The following ALMS1 variants were observed in gnomAD, a reference collection of about 807,000 sequenced individuals.
The protein encoded by ALMS1 is centrosome-associated protein ALMS1.
A neutral mutation model predicts 352.2 loss-of-function variants in ALMS1; 271 were observed. The observed-to-expected ratio is 0.77, with a 90% confidence interval of 0.70 to 0.85. The LOEUF (loss-of-function observed/expected upper bound fraction) is 0.85. Among genes scored for constraint, ALMS1 ranks in the 40% least tolerant of loss-of-function variants. ALMS1 has a pLI of 0.00. For synonymous variants in ALMS1, 1,865 were observed against 1,761.2 expected (o/e 1.06, Z -1.48); for missense variants, 5,445 against 4,870.7 (o/e 1.12, Z -3.51).
chr2:73,554,921 T>G (rs908956216), intron 13 of ALMS1, among the ~76,000 whole-genome samples: 1 of 152,122 alleles, frequency 6.6e-6, no homozygotes. Flanking sequence ...TCTAAAAGGG[T>G]CTGTAAGATA....
At chr2:73,580,216 T>C (rs2104127273) in intron 16 of ALMS1, among the ~76,000 whole-genome samples, 1 of 152,330 alleles carries the variant, frequency 6.6e-6, no homozygotes. Context: ...TAGCTGGGAC[T>C]ACAAGGCATG....
intron 1 of ALMS1, 114 bp from the exon 2 acceptor site, chr2:73,408,508 A>G (rs905106946): frequency 6.7e-6 from 8 of 1,197,814 alleles, no homozygotes; most frequent in African/African-American, 6.1e-5. Flanking sequence ...AAAATGTCGT[A>G]TATGTGAAAG....
chr2:73,542,034 C>G (rs1674195792), intron 12 of ALMS1, among the ~76,000 whole-genome samples: 1 of 152,164 alleles, frequency 6.6e-6, no homozygotes, highest in South Asian at 2.1e-4. Flanking sequence ...CAGCATCATC[C>G]TGATACCAAA....
intron 1 of ALMS1, among the ~76,000 whole-genome samples, chr2:73,392,065 T>G (rs148920737): frequency 0.016 from 2,469 of 152,250 alleles, 67 homozygotes; most frequent in African/African-American, 0.056. Flanking sequence ...TCACTTCTCA[T>G]TCCCAATTTT....
At chr2:73,427,692 C>G (rs987869029) in intron 6 of ALMS1, among the ~76,000 whole-genome samples, 3 of 152,006 alleles carry the variant, frequency 2.0e-5, no homozygotes, top group African/African-American at 7.2e-5. Flanking sequence ...CTGTGTCATT[C>G]TTTTATAGAA....
intron 12 of ALMS1, among the ~76,000 whole-genome samples, chr2:73,545,449 G>A (rs1257676468): frequency 2.0e-5 from 3 of 152,136 alleles, no homozygotes; most frequent in African/African-American, 7.2e-5. Flanking sequence ...CCAAAGTGCT[G>A]GGACTATAGG....
At chr2:73,548,524 CTT>C (rs1676940834) in intron 12 of ALMS1, among the ~76,000 whole-genome samples, 1 of 152,194 alleles carries the variant, frequency 6.6e-6, no homozygotes, top group African/African-American at 2.4e-5. Context: ...GGTCATCTCT[CTT>C]GGAGAACGAG....
intron 9 of ALMS1, chr2:73,457,351 C>T (rs993324222): frequency 6.6e-6 from 1 of 152,180 alleles, no homozygotes; most frequent in Non-Finnish European, 1.5e-5. Context: ...CCTGCCTCAG[C>T]CTCCCGGGTA....
In ALMS1 at chr2:73,455,263, T is replaced by C. The variant is rs746800254; in HGVS notation, c.7642T>C (p.Phe2548Leu). 22 of 1,613,994 alleles carry C rather than the reference T, an allele frequency of 1.4e-5. No homozygotes were observed. Among genetic ancestry groups the C allele is most frequent in the Middle Eastern group, 1.6e-4 (1 of 6,084 alleles). ...RKVEEIKAELFGHGRTTDLSK... is the reference protein window; with the variant it reads ...RKVEEIKAELLGHGRTTDLSK... ...AGTAGAAGAGATCAAGGCAGAGTTA[T>C]TTGGTCATGGAAGAACAACTGACTT... The change falls in exon 9 of 23, where the codon TTT becomes CTT. Residue 2548 changes from phenylalanine (F) to leucine (L), a missense_variant. By Grantham distance (22) the Phe-to-Leu change is conservative (BLOSUM62 0). Coordinates refer to ENST00000613296, the MANE Select transcript of ALMS1 (RefSeq NM_001378454.1).
At chr2:73,472,069 A>G (rs1286072561) in intron 9 of ALMS1, among the ~76,000 whole-genome samples, 1 of 152,076 alleles carries the variant, frequency 6.6e-6, no homozygotes, top group Non-Finnish European at 1.5e-5. Context: ...AAGACATTAC[A>G]CTATGTGAAA....
rs755196965 is a variant in ALMS1 at position 73,572,792 on chromosome 2, C to G, written c.10915C>G (p.Pro3639Ala). The change falls in exon 16 of 23, where the codon CCA becomes GCA. Residue 3639 changes from proline (P) to alanine (A), a missense_variant. Coordinates refer to ENST00000613296, the MANE Select transcript of ALMS1 (RefSeq NM_001378454.1). ...LDRLAKILQN[P>A]ITHSLQVSES... Reference sequence around the variant, plus strand: ...TCGTTTGGCTAAAATTCTTCAGAATCCAATCACACATTCTCTCCAGGTCTC... The same window carrying G: ...TCGTTTGGCTAAAATTCTTCAGAATGCAATCACACATTCTCTCCAGGTCTC... 5 of 1,614,032 alleles carry G rather than the reference C, an allele frequency of 3.1e-6. No homozygotes were observed. The South Asian group carries it at 5.5e-5, about 18-fold the overall frequency.
chr2:73,501,334 AT>A (rs921747134), intron 10 of ALMS1, among the ~76,000 whole-genome samples: 3 of 150,690 alleles, frequency 2.0e-5, no homozygotes, highest in African/African-American at 2.4e-5. Context: ...CACTTTGGTA[AT>A]TTTTTTTTAA....
intron 7 of ALMS1, among the ~76,000 whole-genome samples, chr2:73,439,379 CAA>C (rs1038633281): frequency 1.2e-4 from 18 of 151,988 alleles, no homozygotes; most frequent in African/African-American, 4.1e-4. Flanking sequence ...CTTGACTTCA[CAA>C]AGTGCTGAGA....
At chr2:73,428,880 C>A (rs1671446513) in intron 6 of ALMS1, among the ~76,000 whole-genome samples, 2 of 152,168 alleles carry the variant, frequency 1.3e-5, no homozygotes, top group South Asian at 4.1e-4. Flanking sequence ...ATCTGTGTCA[C>A]AGAAGAGTCA....
At position 73,499,798 on chromosome 2, in the gene ALMS1, G is replaced by A. The variant is rs75084991; in HGVS notation, c.9539+8300G>A. Among the ~76,000 whole-genome samples, 1,068 of 152,278 alleles carry A rather than the reference G, an allele frequency of 7.0e-3. 9 individuals are homozygous for A. Among genetic ancestry groups the A allele is most frequent in the Non-Finnish European group, 0.011 (726 of 68,014 alleles). Reference sequence around the variant, plus strand: ...TCATGAATGGCTCAGTGACCTCCCTGTGGTAATGAGTGAGTTCTGGCTCGT... The same window carrying A: ...TCATGAATGGCTCAGTGACCTCCCTATGGTAATGAGTGAGTTCTGGCTCGT... On this transcript the variant is annotated intron_variant, in intron 10 of 22. Transcript: ENST00000613296.
chr2:73,581,911 A>C (rs1483661652), intron 16 of ALMS1, among the ~76,000 whole-genome samples: 1 of 151,894 alleles, frequency 6.6e-6, no homozygotes, highest in East Asian at 1.9e-4. Flanking sequence ...TGCTTGGCTA[A>C]TTTTTGTATT....
intron 3 of ALMS1, among the ~76,000 whole-genome samples, chr2:73,421,091 T>C (rs1459841568): frequency 6.6e-6 from 1 of 152,204 alleles, no homozygotes; most frequent in Non-Finnish European, 1.5e-5. Flanking sequence ...CCTGCTCCTT[T>C]AGCAAATACA....
chr2:73,409,014 A>C (rs1671026384), intron 2 of ALMS1, among the ~76,000 whole-genome samples: 1 of 151,624 alleles, frequency 6.6e-6, no homozygotes. Flanking sequence ...CTGGGACTAC[A>C]GACATATACC....
chr2:73,555,212 A>C (rs1573016531), intron 13 of ALMS1, among the ~76,000 whole-genome samples: 2 of 152,218 alleles, frequency 1.3e-5, no homozygotes, highest in African/African-American at 4.8e-5. Context: ...CATACCAGAC[A>C]TCAAGACTTA....
Sources: allele counts gnomAD v4.1 joint callset (sites outside exome capture counted in the v4.1 genomes callset), GRCh38; gene constraint gnomAD v4.1.1; transcripts MANE v1.5; gene names NCBI Gene and HGNC (gene_info 2026-07-23, HGNC 2026-07-21).